Variants in SPECC1 observed in about 807,000 individuals in gnomAD.
SPECC1 encodes the protein cytospin-B.
SPECC1 carries 62 observed loss-of-function variants against 104.1 expected under a neutral mutation model. The observed-to-expected ratio is 0.60, with a 90% CI of 0.49 to 0.74. The LOEUF is 0.74. Among genes scored for constraint, SPECC1 ranks in the 30% least tolerant of loss-of-function variants. The pLI is 0.00. For missense variants in SPECC1, 1,306 were observed against 1,310.5 expected (o/e 1.00, Z 0.05); for synonymous variants, 513 against 501.6 (o/e 1.02, Z -0.30).
rs1382646284 is a variant in SPECC1 at position 20,317,781 on chromosome 17, C to T, written c.*3716C>T. 9.0e-6 allele frequency: 2 copies of T among 223,446 alleles called. No individual in the cohort carries two copies. The highest frequency in any genetic ancestry group is 1.3e-4 in the East Asian group (2 of 15,388). 13.8% of individuals were successfully genotyped at this position (223,446 alleles called of 1,614,324 possible). A position where few individuals can be genotyped will look rare whatever the true frequency, so the allele number is the denominator to read the frequency against. On this transcript the variant is annotated 3_prime_UTR_variant, in exon 15 of 15. Transcript: ENST00000395527. Reference sequence around the variant, plus strand: ...GTGTTTTGGGGAAGGGAAGGTTCTGCTGGGGTCCTGGAACTGTGACTGATG... The same window carrying T: ...GTGTTTTGGGGAAGGGAAGGTTCTGTTGGGGTCCTGGAACTGTGACTGATG...
At chr17:20,021,838 C>T (rs1350626708) in intron 1 of SPECC1, among the ~76,000 whole-genome samples, 1 of 144,078 alleles carries the variant, frequency 6.9e-6, no homozygotes, top group African/African-American at 2.5e-5. Context: ...ACCCGGCCAT[C>T]CCAAGGCCCT....
chr17:20,293,849 T>C (rs2041251182), intron 12 of SPECC1, among the ~76,000 whole-genome samples: 2 of 152,052 alleles, frequency 1.3e-5, no homozygotes. Context: ...AAGAAAACCT[T>C]GTTGGGGTGA....
At chr17:20,232,543 C>T (rs2038661720) in intron 7 of SPECC1, 138 bp downstream of exon 7, 3 of 936,274 alleles carry the variant, frequency 3.2e-6, no homozygotes, top group East Asian at 5.3e-5. Context: ...ACTAGCACCA[C>T]CTTACCACTA....
At chr17:20,258,477 G>T (rs2039911437) in intron 11 of SPECC1, among the ~76,000 whole-genome samples, 1 of 152,050 alleles carries the variant, frequency 6.6e-6, no homozygotes. Context: ...CTCTGTGTTG[G>T]TTAATTTTCT....
At chr17:20,078,522 A>G (rs1380072217) in intron 1 of SPECC1, among the ~76,000 whole-genome samples, 1 of 152,206 alleles carries the variant, frequency 6.6e-6, no homozygotes, top group Non-Finnish European at 1.5e-5. Context: ...GGAAAATATG[A>G]ATAATGTTCC....
chr17:20,097,791 G>A (rs538344651), intron 2 of SPECC1, among the ~76,000 whole-genome samples: 1 of 152,328 alleles, frequency 6.6e-6, no homozygotes, highest in African/African-American at 2.4e-5. Flanking sequence ...ATAATAAAAG[G>A]TGTTCCACCT....
intron 4 of SPECC1, among the ~76,000 whole-genome samples, chr17:20,219,711 G>A (rs2037737802): frequency 6.6e-6 from 1 of 152,028 alleles, no homozygotes; most frequent in African/African-American, 2.4e-5. Flanking sequence ...TTTTGTTTTG[G>A]TATTCTGTGC....
rs1195701886 is a variant in SPECC1, at chr17:20,213,305, C to G, written c.1863+7393C>G. On this transcript the variant is annotated intron_variant, in intron 4 of 14. Transcript: ENST00000395527. Reference sequence around the variant, plus strand: ...TAGAGACAGGATCTTGCTCTGTTGACAAGGCTGATCTCAAACTTATGATGA... The same window carrying G: ...TAGAGACAGGATCTTGCTCTGTTGAGAAGGCTGATCTCAAACTTATGATGA... Among the ~76,000 whole-genome samples, 41 of 152,078 alleles carry G rather than the reference C, an allele frequency of 2.7e-4. 1 individual carries two copies. The highest frequency in any genetic ancestry group is 1.9e-4 in the Non-Finnish European group (13 of 68,018).
intron 4 of SPECC1, among the ~76,000 whole-genome samples, chr17:20,226,943 C>G (rs1244061618): frequency 6.6e-6 from 1 of 152,054 alleles, no homozygotes; most frequent in East Asian, 1.9e-4. Context: ...GGGCGCTGCT[C>G]CATAGCAGAT....
At chr17:20,040,051 AT>A (rs1433945473) in intron 1 of SPECC1, among the ~76,000 whole-genome samples, 14 of 151,764 alleles carry the variant, frequency 9.2e-5, no homozygotes, top group African/African-American at 3.1e-4. Flanking sequence ...CCTGTAGAGT[AT>A]TTGAATATTT....
intron 9 of SPECC1, among the ~76,000 whole-genome samples, chr17:20,248,530 A>G (rs1340063255): frequency 6.6e-6 from 1 of 152,314 alleles, no homozygotes. Flanking sequence ...TCCCGCTTAC[A>G]GTACTATTTT....
chr17:20,055,505 C>T (rs956032417), intron 1 of SPECC1, among the ~76,000 whole-genome samples: 1 of 152,190 alleles, frequency 6.6e-6, no homozygotes, highest in Non-Finnish European at 1.5e-5. Context: ...TGGTAATAGT[C>T]ATCCTGACAA....
intron 9 of SPECC1, among the ~76,000 whole-genome samples, chr17:20,247,785 C>CT (rs2039480181): frequency 3.3e-5 from 5 of 152,238 alleles, no homozygotes; most frequent in Non-Finnish European, 5.9e-5. Context: ...TTTTTGACCA[C>CT]TTAAGGGGCT....
In SPECC1 at chr17:20,122,089, C is replaced by T. The variant is rs150752268; in HGVS notation, c.283+11527C>T. Among the ~76,000 whole-genome samples, 480 of 152,222 alleles carry T rather than the reference C, an allele frequency of 3.2e-3. 1 individual carries two copies. Among genetic ancestry groups the T allele is most frequent in the African/African-American group, 8.7e-3 (360 of 41,528 alleles). On this transcript the variant is annotated intron_variant, in intron 3 of 14. Transcript: ENST00000395527. ...TGGTGGACATTCCAGGCAGAGATGACGGCTGGCCCGTGTCCCCCACGTCAA... is the reference window on the plus strand; with the variant it reads ...TGGTGGACATTCCAGGCAGAGATGATGGCTGGCCCGTGTCCCCCACGTCAA...
intron 1 of SPECC1, among the ~76,000 whole-genome samples, chr17:20,093,551 T>C (rs1470095743): frequency 6.6e-6 from 1 of 152,072 alleles, no homozygotes; most frequent in African/African-American, 2.4e-5. Flanking sequence ...AGAGCCAGGC[T>C]GAGGGGCTGA....
At chr17:20,274,507 C>CTTTTTTTTTTTT (rs1162367833) in intron 12 of SPECC1, among the ~76,000 whole-genome samples, 1 of 131,466 alleles carries the variant, frequency 7.6e-6, no homozygotes, top group Non-Finnish European at 1.6e-5. Context: ...TTTCTTTTTT[C>CTTTTTTTTTTTT]TTTTTTTTTT....
At chr17:20,274,561 A>G (rs1156596048) in intron 12 of SPECC1, among the ~76,000 whole-genome samples, 5 of 145,492 alleles carry the variant, frequency 3.4e-5, no homozygotes, top group Admixed American at 6.9e-5. Context: ...GCTCACTGCA[A>G]TCTCCGCCTC....
intron 3 of SPECC1, among the ~76,000 whole-genome samples, chr17:20,195,406 C>T (rs12939132): frequency 4.2e-4 from 64 of 152,158 alleles, no homozygotes; most frequent in Non-Finnish European, 6.6e-4. Flanking sequence ...AGGAGTTTCC[C>T]ATAACTTTAG....
intron 2 of SPECC1, among the ~76,000 whole-genome samples, chr17:20,103,122 C>T (rs1161048541): frequency 6.6e-6 from 1 of 152,210 alleles, no homozygotes; most frequent in African/African-American, 2.4e-5. Context: ...TGTGCTGCCA[C>T]GTGACATAGC....
Sources: gnomAD v4.1 joint callset for allele counts (sites outside exome capture counted in the v4.1 genomes callset) on GRCh38, gnomAD v4.1.1 for gene constraint, MANE v1.5 for transcripts, NCBI Gene and HGNC (gene_info 2026-07-23, HGNC 2026-07-21) for gene names.